CFAP20DC: variants seen among roughly 807,000 people sequenced by gnomAD.
CFAP20DC encodes the protein protein CFAP20DC.
In CFAP20DC, 84 loss-of-function variants were observed where a neutral mutation model predicts 101.7. That is an observed-to-expected ratio of 0.83 (90% confidence interval 0.69 to 0.99). The LOEUF (loss-of-function observed/expected upper bound fraction) is 0.99, where lower values mean the gene tolerates loss of function less well. CFAP20DC is among the 50% of genes least tolerant of loss of function. CFAP20DC has a pLI of 0.00. For missense variants in CFAP20DC, 1,007 were observed against 970.3 expected (o/e 1.04, Z -0.50); for synonymous variants, 359 against 351.2 (o/e 1.02, Z -0.25).
At position 58,742,583 on chromosome 3, in the gene CFAP20DC, G is replaced by A; in HGVS notation, c.2333-11C>T. 1 of 1,591,020 alleles carries A rather than the reference G, an allele frequency of 6.3e-7. No individual in the cohort carries two copies. The highest frequency in any genetic ancestry group is 1.7e-5 in the Admixed American group (1 of 57,544). ...TGAGGTCTTCTTCACCTGTGGGGAA[G>A]GGGAACCACAGACACATTAGCTGTT... is the stretch of plus-strand genomic sequence containing the variant. On this transcript the variant is annotated splice_polypyrimidine_tract_variant and intron_variant, in intron 16 of 16. Transcript: ENST00000482387.
intron 5 of CFAP20DC, among the ~76,000 whole-genome samples, chr3:58,916,219 G>A (rs955160041): frequency 6.6e-6 from 1 of 152,012 alleles, no homozygotes; most frequent in African/African-American, 2.4e-5. Context: ...GTTTGGTTTT[G>A]AGCAACAAAT....
Position 59,001,889 on chromosome 3 carries a change from G to A in CFAP20DC, c.278+37668C>T, listed in dbSNP as rs191681222. On this transcript the variant is annotated intron_variant, in intron 4 of 16. Transcript: ENST00000482387. This position sits in a 1 kb window ranked among gnomAD's most constrained non-coding sequence, Gnocchi z 4.5. ...CTCTGCCAATTAGTGTGGCTTGAGC[G>A]GAAGGACAAAAACGTGACATGTGGT... Among the ~76,000 whole-genome samples the A allele has an allele frequency of 8.7e-4, 133 of 152,222 alleles. No individual in the cohort carries two copies. Among genetic ancestry groups the A allele is most frequent in the Middle Eastern group, 3.4e-3 (1 of 294 alleles).
rs752324535 is a variant in CFAP20DC, at chr3:58,941,327, C to CAAAAAAAAAA, written c.279-3575_279-3566dup. Among the ~76,000 whole-genome samples, 18 of 19,536 alleles carry CAAAAAAAAAA rather than the reference C, an allele frequency of 9.2e-4. 3 individuals carry two copies. Among genetic ancestry groups the CAAAAAAAAAA allele is most frequent in the African/African-American group, 2.9e-3 (16 of 5,460 alleles). The allele number at this position is 19,536 out of a possible 152,430, so 12.8% of individuals were successfully genotyped here. A position where few individuals can be genotyped will look rare whatever the true frequency, so the allele number is the denominator to read the frequency against. ...CTGGCGACAGAGCGAGACTCCGTCT[C>CAAAAAAAAAA]AAAAAAAAAAAAAAAAAAAAAAAAA... On this transcript the variant is annotated intron_variant, in intron 4 of 16. Transcript: ENST00000482387.
At chr3:58,835,347 G>A (rs1280895197) in intron 13 of CFAP20DC, among the ~76,000 whole-genome samples, 1 of 152,150 alleles carries the variant, frequency 6.6e-6, no homozygotes, top group Non-Finnish European at 1.5e-5. Flanking sequence ...GTCTAAGGTG[G>A]CATTTGAGAG....
intron 6 of CFAP20DC, among the ~76,000 whole-genome samples, chr3:58,910,424 A>G (rs1353090364): frequency 1.3e-5 from 2 of 152,122 alleles, no homozygotes; most frequent in Admixed American, 1.3e-4. Context: ...TTAGACTTTT[A>G]AAGGTAGTTT....
At position 58,729,565 on chromosome 3, in the gene CFAP20DC, T is replaced by C. The variant is rs956028446; in HGVS notation, c.198-11937A>G. On this transcript the variant is annotated intron_variant, in intron 3 of 3. Transcript: ENST00000486145. This position sits in a 1 kb window ranked among gnomAD's most constrained non-coding sequence, Gnocchi z 4.4. ...TATCTGTAGATTTTCTTGGGTTTTC[T>C]ATGAATGCAATAATGTCATCTGCAA... Among the ~76,000 whole-genome samples, 6 of 152,256 alleles carry C rather than the reference T, an allele frequency of 3.9e-5. No homozygotes were observed. The highest frequency in any genetic ancestry group is 7.3e-5 in the Non-Finnish European group (5 of 68,046).
At chr3:58,765,657 T>C (rs2070238366) in intron 15 of CFAP20DC, among the ~76,000 whole-genome samples, 1 of 152,132 alleles carries the variant, frequency 6.6e-6, no homozygotes, top group African/African-American at 2.4e-5. Flanking sequence ...GCAATAATTA[T>C]TATATATCTT....
intron 14 of CFAP20DC, among the ~76,000 whole-genome samples, chr3:58,828,639 G>T (rs2076196921): frequency 6.6e-6 from 1 of 152,076 alleles, no homozygotes. Context: ...AGAAACTGGG[G>T]ACTGCTAAAG....
chr3:58,777,824 G>A (rs2071473430), intron 15 of CFAP20DC, among the ~76,000 whole-genome samples: 1 of 152,160 alleles, frequency 6.6e-6, no homozygotes, highest in African/African-American at 2.4e-5. Context: ...GCTAAGACAA[G>A]GCGCTGTCTG....
At chr3:58,979,012 T>C (rs1362476053) in intron 4 of CFAP20DC, among the ~76,000 whole-genome samples, 2 of 152,210 alleles carry the variant, frequency 1.3e-5, no homozygotes, top group Non-Finnish European at 2.9e-5. Flanking sequence ...ATAGTGGTGA[T>C]GCTGTGATTT....
chr3:58,732,621 T>G lies in CFAP20DC; in HGVS notation c.198-14993A>C, dbSNP rs74834583. 0.069 allele frequency among the ~76,000 whole-genome samples: 10,524 copies of G among 152,182 alleles called. 672 individuals carry two copies. The highest frequency in any genetic ancestry group is 0.36 in the East Asian group (1,832 of 5,160). On this transcript the variant is annotated intron_variant, in intron 3 of 3. Transcript: ENST00000486145. The surrounding 1 kb of genome is among the most constrained non-coding windows in gnomAD (Gnocchi z 5.4). ...TAAAACCGAATGGTGCTAGAATTAG[T>G]AGGAGAATTAAGAGAGTAAGGAGAA...
chr3:58,930,861 CT>C (rs2086555063), intron 5 of CFAP20DC, among the ~76,000 whole-genome samples: 2 of 152,178 alleles, frequency 1.3e-5, no homozygotes, highest in Non-Finnish European at 2.9e-5. Context: ...CGGGTGATTT[CT>C]GCATTTCCAC....
chr3:58,832,117 C>G (rs1477331071), intron 13 of CFAP20DC, among the ~76,000 whole-genome samples: 19 of 151,422 alleles, frequency 1.3e-4, no homozygotes, highest in Non-Finnish European at 1.6e-4. Flanking sequence ...AGCATCAGTC[C>G]TCTCTTAGTC....
intron 4 of CFAP20DC, among the ~76,000 whole-genome samples, chr3:58,946,971 T>C (rs947660213): frequency 6.6e-6 from 1 of 152,176 alleles, no homozygotes. Flanking sequence ...ATTTTACCAA[T>C]GTAGTGAGAG....
intron 4 of CFAP20DC, among the ~76,000 whole-genome samples, chr3:58,975,228 C>T (rs1314239896): frequency 6.6e-6 from 1 of 152,024 alleles, no homozygotes; most frequent in Non-Finnish European, 1.5e-5. Flanking sequence ...TTCTTATCAC[C>T]TTATCTAAGT....
intron 4 of CFAP20DC, among the ~76,000 whole-genome samples, chr3:59,033,702 A>C (rs1474675289): frequency 6.6e-6 from 1 of 152,228 alleles, no homozygotes; most frequent in African/African-American, 2.4e-5. Flanking sequence ...AGACTATGTG[A>C]AAATACCAAA....
At chr3:58,954,417 G>T (rs897276098) in intron 4 of CFAP20DC, among the ~76,000 whole-genome samples, 1 of 152,084 alleles carries the variant, frequency 6.6e-6, no homozygotes, top group African/African-American at 2.4e-5. Flanking sequence ...AGCCAAAATG[G>T]TTTTTATTTT....
chr3:58,907,607 A>T (rs1027832913), intron 6 of CFAP20DC, among the ~76,000 whole-genome samples: 1 of 152,168 alleles, frequency 6.6e-6, no homozygotes, highest in African/African-American at 2.4e-5. Context: ...CAAACCCACA[A>T]AGTTGGTGCA....
At chr3:58,948,665 T>C (rs1183300532) in intron 4 of CFAP20DC, among the ~76,000 whole-genome samples, 1 of 152,224 alleles carries the variant, frequency 6.6e-6, no homozygotes, top group Non-Finnish European at 1.5e-5. Context: ...GATAAGCTTT[T>C]TGATGTGCTG....
Sources: allele counts gnomAD v4.1 joint callset (sites outside exome capture counted in the v4.1 genomes callset), GRCh38; gene constraint gnomAD v4.1.1; non-coding constraint Gnocchi (gnomAD v3.1); transcripts MANE v1.5; gene names NCBI Gene and HGNC (gene_info 2026-07-23, HGNC 2026-07-21).